IQGAP2: variants seen among roughly 807,000 people sequenced by gnomAD.
The protein encoded by IQGAP2 is ras GTPase-activating-like protein IQGAP2.
A neutral mutation model predicts 201.3 loss-of-function variants in IQGAP2; 173 were observed. The observed-to-expected ratio is 0.86, with a 90% CI of 0.76 to 0.98. The LOEUF is 0.98. IQGAP2 is among the 50% of genes least tolerant of loss of function. The probability of loss-of-function intolerance (pLI) is 0.00; values close to 1 mark genes in which losing one functional copy is unlikely to be tolerated. For synonymous variants in IQGAP2, 675 were observed against 673.9 expected (o/e 1.00, Z -0.03); for missense variants, 1,687 against 1,864.8 (o/e 0.90, Z 1.76).
At chr5:76,701,945 C>T (rs964221076) in intron 34 of IQGAP2, 5 of 153,172 alleles carry the variant, frequency 3.3e-5, no homozygotes, top group Non-Finnish European at 5.8e-5. Flanking sequence ...AAGCGATTCT[C>T]CTGCCTCAGC....
chr5:76,620,790 C>T (rs2069661), intron 13 of IQGAP2, among the ~76,000 whole-genome samples: 30 of 152,102 alleles, frequency 2.0e-4, no homozygotes, highest in African/African-American at 5.3e-4. Context: ...AAGATGAAAT[C>T]GGTATGAGGA....
At chr5:76,440,754 C>G (rs1752977278) in intron 1 of IQGAP2, among the ~76,000 whole-genome samples, 1 of 152,096 alleles carries the variant, frequency 6.6e-6, no homozygotes, top group South Asian at 2.1e-4. Context: ...AGAGTAGGGC[C>G]CTGGCCGGGT....
chr5:76,517,745 C>A (rs187741986), intron 2 of IQGAP2, among the ~76,000 whole-genome samples: 1 of 151,928 alleles, frequency 6.6e-6, no homozygotes, highest in African/African-American at 2.4e-5. Flanking sequence ...CCATCGCATA[C>A]GAGTATGCGA....
intron 2 of IQGAP2, among the ~76,000 whole-genome samples, chr5:76,547,205 C>A (rs555458128): frequency 2.6e-4 from 39 of 152,304 alleles, no homozygotes; most frequent in African/African-American, 7.7e-4. Context: ...CCCTCATTCA[C>A]CACCTCCAAG....
intron 2 of IQGAP2, among the ~76,000 whole-genome samples, chr5:76,522,021 T>C (rs2150195821): frequency 6.6e-6 from 1 of 151,940 alleles, no homozygotes; most frequent in East Asian, 1.9e-4. Context: ...TTCTTACAAG[T>C]AATGAGATGG....
chr5:76,574,970 G>T (rs1460197324), intron 4 of IQGAP2, among the ~76,000 whole-genome samples: 2 of 152,248 alleles, frequency 1.3e-5, no homozygotes, highest in South Asian at 2.1e-4. Flanking sequence ...TAATGAAGGG[G>T]ATGGGAAATA....
chr5:76,656,763 C>T (rs1459347400), intron 20 of IQGAP2, among the ~76,000 whole-genome samples: 2 of 151,704 alleles, frequency 1.3e-5, no homozygotes, highest in East Asian at 1.9e-4. Flanking sequence ...GAAACCATCT[C>T]GGTGAGTGAG....
chr5:76,536,312 C>G (rs920790246), intron 2 of IQGAP2, among the ~76,000 whole-genome samples: 3 of 150,620 alleles, frequency 2.0e-5, no homozygotes, highest in Non-Finnish European at 3.0e-5. Context: ...CTCAGGTGAT[C>G]CACCCACCTC....
At chr5:76,625,649 G>A (rs1266338520) in intron 13 of IQGAP2, among the ~76,000 whole-genome samples, 1 of 152,178 alleles carries the variant, frequency 6.6e-6, no homozygotes, top group Non-Finnish European at 1.5e-5. Flanking sequence ...ATAACAGATA[G>A]TTTATCTCAT....
rs1462907605 is a variant in IQGAP2 at position 76,578,454 on chromosome 5, A to C, written c.458+2685A>C. 3.9e-5 allele frequency among the ~76,000 whole-genome samples: 6 copies of C among 152,184 alleles called. No homozygotes were observed. In the East Asian group the frequency reaches 9.7e-4, roughly 25 times the overall value. On this transcript the variant is annotated intron_variant, in intron 5 of 35. Coordinates refer to ENST00000274364, the MANE Select transcript of IQGAP2 (RefSeq NM_006633.5). ...CAGCCTCCTGAGTAGCTGGGACTACAGGCACGCACTACTATGCCCAGCTAA... is the reference window on the plus strand; with the variant it reads ...CAGCCTCCTGAGTAGCTGGGACTACCGGCACGCACTACTATGCCCAGCTAA...
At chr5:76,608,942 T>C in intron 12 of IQGAP2, 1 of 628,424 alleles carries the variant, frequency 1.6e-6, no homozygotes, top group Non-Finnish European at 2.7e-6. Context: ...CATGTGTTGA[T>C]GTAAAGAAGT....
Position 76,658,684 on chromosome 5 carries a change from G to A in IQGAP2, c.2529+17G>A, listed in dbSNP as rs763564553. The A allele has an allele frequency of 1.2e-6, 2 of 1,608,442 alleles. No individual in the cohort carries two copies. The highest frequency in any genetic ancestry group is 1.7e-5 in the Admixed American group (1 of 59,768). Reference sequence around the variant, plus strand: ...ACACTAGAGGTCAGTGGGGTTTTTGGGACTGTCAGCTCCCAGAAGAGGGAA... The same window carrying A: ...ACACTAGAGGTCAGTGGGGTTTTTGAGACTGTCAGCTCCCAGAAGAGGGAA... On this transcript the variant is annotated intron_variant, in intron 21 of 35. Transcript: ENST00000274364.
chr5:76,671,707 A>T, intron 23 of IQGAP2, 52 bp from the exon 24 acceptor site: 1 of 1,311,948 alleles, frequency 7.6e-7, no homozygotes, highest in Non-Finnish European at 1.1e-6. Context: ...AAAAAAAAAA[A>T]AATCTGTATC....
chr5:76,600,578 G>A lies in IQGAP2; in HGVS notation c.1072-234G>A, dbSNP rs148486492. On this transcript the variant is annotated intron_variant, in intron 10 of 35. Transcript: ENST00000274364. ...TGGGAATGCAGATATTTGTGGAATC[G>A]TAACTTTTCATTGTAATCAACCCAG... Among the ~76,000 whole-genome samples the A allele has an allele frequency of 1.2e-4, 19 of 152,238 alleles. No homozygotes were observed. In the East Asian group the frequency reaches 2.1e-3, roughly 17 times the overall value.
intron 1 of IQGAP2, among the ~76,000 whole-genome samples, chr5:76,428,429 C>CATTTTTT (rs1752135395): frequency 6.6e-6 from 1 of 150,836 alleles, no homozygotes; most frequent in Non-Finnish European, 1.5e-5. Context: ...TGCTTTGAAT[C>CATTTTTT]CTTTTTTCTT....
rs775503929 is a variant in IQGAP2, at chr5:76,707,187, T to C, written c.4615-13T>C. On this transcript the variant is annotated splice_polypyrimidine_tract_variant and intron_variant, in intron 35 of 35. Coordinates refer to ENST00000274364, the MANE Select transcript of IQGAP2 (RefSeq NM_006633.5). ...TCAAAGTTGAGATTTAATGATGCTTTTTACAATTTCAGGATTTACTTCAGA... is the reference window on the plus strand; with the variant it reads ...TCAAAGTTGAGATTTAATGATGCTTCTTACAATTTCAGGATTTACTTCAGA... 7 of 1,118,084 alleles carry C rather than the reference T, an allele frequency of 6.3e-6. No individual in the cohort carries two copies. In the African/African-American group the frequency reaches 1.1e-4, roughly 17 times the overall value. The allele number at this position is 1,118,084 out of a possible 1,614,324, so 69.3% of individuals were successfully genotyped here.
intron 1 of IQGAP2, among the ~76,000 whole-genome samples, chr5:76,441,227 G>A (rs530036998): frequency 1.1e-4 from 16 of 152,164 alleles, no homozygotes; most frequent in Non-Finnish European, 1.6e-4. Flanking sequence ...TTAAGAGAAT[G>A]TCTAGCACAA....
chr5:76,427,844 G>C (rs568329579), intron 1 of IQGAP2, among the ~76,000 whole-genome samples: 2 of 152,222 alleles, frequency 1.3e-5, no homozygotes. Flanking sequence ...GGCTCTGAGC[G>C]GGGGCAGCAT....
intron 1 of IQGAP2, among the ~76,000 whole-genome samples, chr5:76,461,081 T>C (rs952598426): frequency 5.9e-5 from 9 of 151,822 alleles, no homozygotes; most frequent in Admixed American, 5.9e-4. Context: ...GGTTTCACCG[T>C]GTTAGCCAGG....
Sources: gnomAD v4.1 joint callset for allele counts (sites outside exome capture counted in the v4.1 genomes callset) on GRCh38, gnomAD v4.1.1 for gene constraint, MANE v1.5 for transcripts, NCBI Gene and HGNC (gene_info 2026-07-23, HGNC 2026-07-21) for gene names.